The following KCNH1 variants were observed in gnomAD, a reference collection of about 807,000 sequenced individuals.
The protein encoded by KCNH1 is voltage-gated delayed rectifier potassium channel KCNH1.
A neutral mutation model predicts 69.2 loss-of-function variants in KCNH1; 27 were observed. The ratio of observed to expected loss-of-function variants is 0.39; its 90% CI spans 0.29 to 0.54. KCNH1 has a LOEUF of 0.54. KCNH1 is among the 20% of genes least tolerant of loss of function. The pLI, the probability that KCNH1 is intolerant of heterozygous loss-of-function variation, is 0.68. For synonymous variants in KCNH1, 456 were observed against 487.7 expected, an observed-to-expected ratio of 0.93 and a Z score of 0.86; for missense variants, 798 against 1,261.6, an observed-to-expected ratio of 0.63 and a Z score of 5.57.
chr1:210,816,372 C>T (rs750335592), intron 7 of KCNH1, among the ~76,000 whole-genome samples: 7 of 152,184 alleles, frequency 4.6e-5, no homozygotes, highest in Non-Finnish European at 1.0e-4. Flanking sequence ...AGCTCCTGCT[C>T]CACGGTAACC....
intron 6 of KCNH1, among the ~76,000 whole-genome samples, chr1:211,018,078 C>T (rs1374235774): frequency 2.0e-5 from 3 of 152,150 alleles, no homozygotes; most frequent in South Asian, 2.1e-4. Context: ...CATCTGATCT[C>T]TGGACAAGCT....
intron 5 of KCNH1, among the ~76,000 whole-genome samples, chr1:211,027,766 CAAG>C (rs753769619): frequency 2.7e-4 from 41 of 151,828 alleles, no homozygotes; most frequent in Non-Finnish European, 4.4e-4. Context: ...ATCACTCCAC[CAAG>C]AAGACAGAAC....
intron 7 of KCNH1, chr1:210,859,195 G>C (rs1685920613): frequency 6.2e-7 from 1 of 1,601,938 alleles, no homozygotes; most frequent in South Asian, 1.1e-5. Flanking sequence ...CTGGTACTGG[G>C]CCTCCAAAAT....
intron 7 of KCNH1, chr1:210,860,379 T>C: frequency 2.1e-6 from 3 of 1,413,376 alleles, no homozygotes; most frequent in Non-Finnish European, 3.0e-6. Context: ...GTAAGCAGAT[T>C]CCCTCAAGCT....
At chr1:210,822,801 C>G (rs1384020975) in intron 7 of KCNH1, among the ~76,000 whole-genome samples, 1 of 152,186 alleles carries the variant, frequency 6.6e-6, no homozygotes, top group Non-Finnish European at 1.5e-5. Context: ...CCTTGTCAGT[C>G]TCTCCAAGGT....
chr1:210,849,314 A>G (rs1685630904), intron 7 of KCNH1, among the ~76,000 whole-genome samples: 1 of 150,708 alleles, frequency 6.6e-6, no homozygotes. Context: ...TTGTCAAACC[A>G]TGGTTTTAAG....
At chr1:210,716,468 A>AGAC (rs1352552401) in intron 10 of KCNH1, among the ~76,000 whole-genome samples, 8 of 151,212 alleles carry the variant, frequency 5.3e-5, no homozygotes, top group African/African-American at 1.5e-4. Flanking sequence ...ACAACCATCT[A>AGAC]GACTTTTCTG....
At chr1:210,756,990 C>T (rs1372573123) in intron 10 of KCNH1, among the ~76,000 whole-genome samples, 1 of 152,186 alleles carries the variant, frequency 6.6e-6, no homozygotes, top group African/African-American at 2.4e-5. Context: ...CTCATATCAG[C>T]CCATCCTGGC....
chr1:211,039,203 C>T (rs1689949665), intron 5 of KCNH1, among the ~76,000 whole-genome samples: 1 of 152,232 alleles, frequency 6.6e-6, no homozygotes, highest in South Asian at 2.1e-4. Flanking sequence ...CACCCCAAGC[C>T]TTAGCAGCTT....
At chr1:210,802,785 C>T (rs573913334) in intron 8 of KCNH1, among the ~76,000 whole-genome samples, 6 of 152,336 alleles carry the variant, frequency 3.9e-5, no homozygotes, top group Admixed American at 1.3e-4. Flanking sequence ...GATTAAGGCA[C>T]AAACTCTTGA....
At chr1:210,730,943 A>G (rs557151072) in intron 10 of KCNH1, among the ~76,000 whole-genome samples, 23 of 152,204 alleles carry the variant, frequency 1.5e-4, no homozygotes, top group Non-Finnish European at 3.2e-4. Context: ...CCAGGCAGGT[A>G]TCTGGGCATT....
At chr1:210,765,738 G>C (rs1040212760) in intron 10 of KCNH1, among the ~76,000 whole-genome samples, 6 of 152,160 alleles carry the variant, frequency 3.9e-5, no homozygotes, top group Non-Finnish European at 8.8e-5. Context: ...TGTCTCTGCC[G>C]ATACCATCTT....
At chr1:211,006,332 T>C (rs1220274739) in intron 6 of KCNH1, among the ~76,000 whole-genome samples, 2 of 152,196 alleles carry the variant, frequency 1.3e-5, no homozygotes, top group Admixed American at 6.5e-5. Flanking sequence ...GATTAACAAA[T>C]TGAAGTATGT....
At chr1:210,967,823 C>T (rs1688435573) in intron 6 of KCNH1, among the ~76,000 whole-genome samples, 1 of 151,996 alleles carries the variant, frequency 6.6e-6, no homozygotes, top group East Asian at 1.9e-4. Flanking sequence ...AAAATATTGA[C>T]TTGAAGCTAT....
intron 5 of KCNH1, among the ~76,000 whole-genome samples, chr1:211,070,190 T>C (rs1215530967): frequency 1.4e-5 from 2 of 147,438 alleles, no homozygotes; most frequent in Non-Finnish European, 3.0e-5. Flanking sequence ...AGGCCGAGGC[T>C]GGCAGATCAC....
rs61680039 is a variant in KCNH1, at chr1:211,003,033, TTTTGTTTG to T, written c.1032+15742_1032+15749del. ...GTATGACTTGTGAGCTAAGAATGTT[TTTTGTTTG>T]TTTGTTTGTTTGTTTGTTTGTTTAC... is the stretch of plus-strand genomic sequence containing the variant. On this transcript the variant is annotated intron_variant, in intron 6 of 10. Transcript: ENST00000271751. Among the ~76,000 whole-genome samples, 270 of 151,246 alleles carry T rather than the reference TTTTGTTTG, an allele frequency of 1.8e-3. 4 individuals are homozygous for T. Among genetic ancestry groups the T allele is most frequent in the Admixed American group, 4.7e-3 (71 of 15,164 alleles).
intron 7 of KCNH1, among the ~76,000 whole-genome samples, chr1:210,891,030 C>T (rs1200680674): frequency 1.6e-4 from 25 of 152,188 alleles, no homozygotes; most frequent in Admixed American, 1.5e-3. Flanking sequence ...CCCAGCCATC[C>T]CATTACTGGG....
chr1:210,784,161 A>G (rs1332985445), intron 9 of KCNH1, among the ~76,000 whole-genome samples: 4 of 152,232 alleles, frequency 2.6e-5, no homozygotes, highest in Non-Finnish European at 2.9e-5. Context: ...CCTCACCCCA[A>G]TGGTGCTGAA....
At chr1:210,750,792 C>T (rs1008524870) in intron 10 of KCNH1, among the ~76,000 whole-genome samples, 9 of 152,276 alleles carry the variant, frequency 5.9e-5, no homozygotes, top group African/African-American at 2.2e-4. Context: ...TTGTATCTTA[C>T]ACTCTCCAGA....
Sources: allele counts gnomAD v4.1 joint callset (sites outside exome capture counted in the v4.1 genomes callset), GRCh38; gene constraint gnomAD v4.1.1; transcripts MANE v1.5; gene names NCBI Gene and HGNC (gene_info 2026-07-23, HGNC 2026-07-21).